BCAS4: variants seen among roughly 807,000 people sequenced by gnomAD.
The protein encoded by BCAS4 is breast carcinoma-amplified sequence 4.
Under a neutral mutation model 15.7 loss-of-function variants are expected in BCAS4, and 9 were observed. The observed-to-expected ratio is 0.57, with a 90% CI of 0.34 to 1.00. The LOEUF is 1.00. Ranked by LOEUF, BCAS4 falls within the 50% of genes least tolerant of loss-of-function variation. The pLI, the probability that BCAS4 is intolerant of heterozygous loss-of-function variation, is 0.02. For synonymous variants in BCAS4, 101 were observed against 99.5 expected (o/e 1.02, Z -0.09); for missense variants, 225 against 239.1 (o/e 0.94, Z 0.39).
chr20:50,849,517 A>T (rs185288845), intron 4 of BCAS4, among the ~76,000 whole-genome samples: 12 of 152,348 alleles, frequency 7.9e-5, no homozygotes, highest in Non-Finnish European at 1.3e-4. Context: ...GCAGGGTGTG[A>T]GATGTCACCT....
intron 3 of BCAS4, among the ~76,000 whole-genome samples, chr20:50,839,143 A>G (rs1183000343): frequency 1.3e-5 from 2 of 152,170 alleles, no homozygotes; most frequent in Middle Eastern, 3.2e-3. Context: ...TATGAGAAAA[A>G]TCTTTTCTAT....
At chr20:50,842,311 C>T (rs2088494511) in intron 4 of BCAS4, among the ~76,000 whole-genome samples, 1 of 152,216 alleles carries the variant, frequency 6.6e-6, no homozygotes, top group African/African-American at 2.4e-5. Context: ...GGGCGTCCCT[C>T]CTGCATATGG....
At chr20:50,880,340 G>A (rs1568692309), downstream of BCAS4, 1 of 152,250 alleles carries the variant, frequency 6.6e-6, no homozygotes, top group Non-Finnish European at 1.5e-5. Flanking sequence ...CACTGTCCCT[G>A]TGCCAGGTGA....
At chr20:50,822,204 C>T (rs1362110730) in intron 2 of BCAS4, among the ~76,000 whole-genome samples, 1 of 151,944 alleles carries the variant, frequency 6.6e-6, no homozygotes, top group Non-Finnish European at 1.5e-5. Context: ...TGGGCTTCCT[C>T]GTAGCATGGC....
At chr20:50,881,329 A>G (rs1415471056), downstream of BCAS4, 1 of 152,244 alleles carries the variant, frequency 6.6e-6, no homozygotes, top group Non-Finnish European at 1.5e-5. Context: ...TTGATTATAT[A>G]AAATTTTTAA....
At chr20:50,845,339 C>G (rs2088530700) in intron 4 of BCAS4, among the ~76,000 whole-genome samples, 1 of 152,114 alleles carries the variant, frequency 6.6e-6, no homozygotes, top group Non-Finnish European at 1.5e-5. Context: ...CAGTGTCTTC[C>G]ATCTTGATTA....
chr20:50,828,595 C>G (rs567059551), intron 2 of BCAS4, among the ~76,000 whole-genome samples: 2 of 152,124 alleles, frequency 1.3e-5, no homozygotes, highest in Admixed American at 1.3e-4. Flanking sequence ...ACCTGGCCAA[C>G]GTGGTGAAAC....
At chr20:50,877,472 A>G (rs945735524), downstream of BCAS4, 3 of 152,240 alleles carry the variant, frequency 2.0e-5, no homozygotes, top group East Asian at 5.8e-4. Context: ...TCAACCTGCA[A>G]TGGGTATTTC....
In BCAS4 at chr20:50,815,409, C is replaced by T. The variant is rs533881779; in HGVS notation, c.91-2802C>T. Among the ~76,000 whole-genome samples the T allele has an allele frequency of 8.5e-5, 13 of 152,316 alleles. No homozygotes were observed. In the South Asian group the frequency reaches 1.9e-3, roughly 22 times the overall value. On this transcript the variant is annotated intron_variant, in intron 1 of 4. Coordinates refer to ENST00000371608, the MANE Select transcript of BCAS4 (RefSeq NM_198799.4). ...GCACTCCCAGGATCTCTCCATCACCCGCTGTGCCCCACTCCTCTCTTTCTC... is the reference window on the plus strand; with the variant it reads ...GCACTCCCAGGATCTCTCCATCACCTGCTGTGCCCCACTCCTCTCTTTCTC...
At position 50,858,925 on chromosome 20, in the gene BCAS4, C is replaced by CTATTATTAT. The variant is rs56152037; in HGVS notation, c.399+17039_399+17047dup. On this transcript the variant is annotated intron_variant, in intron 4 of 4. Coordinates refer to ENST00000371608, the MANE Select transcript of BCAS4 (RefSeq NM_198799.4). ...TATTTTTTGTAGAGACAGGCTCTTG[C>CTATTATTAT]TATTATTATTATTATTATTATTGTG... Among the ~76,000 whole-genome samples the CTATTATTAT allele has an allele frequency of 1.9e-3, 273 of 144,600 alleles. 1 individual carries two copies. Among genetic ancestry groups the CTATTATTAT allele is most frequent in the African/African-American group, 6.4e-3 (245 of 38,442 alleles). 94.9% of individuals were successfully genotyped at this position (144,600 alleles called of 152,430 possible).
chr20:50,873,956 T>C (rs1979786646), intron 4 of BCAS4, among the ~76,000 whole-genome samples: 1 of 152,178 alleles, frequency 6.6e-6, no homozygotes, highest in Non-Finnish European at 1.5e-5. Context: ...TAAGATCCTT[T>C]GATGGTTCCC....
intron 3 of BCAS4, among the ~76,000 whole-genome samples, chr20:50,833,331 G>A (rs999432830): frequency 2.0e-5 from 3 of 152,224 alleles, no homozygotes; most frequent in Non-Finnish European, 4.4e-5. Flanking sequence ...TTATCCTGAG[G>A]AGGAGGAAGC....
chr20:50,820,471 G>C (rs2088200060), intron 2 of BCAS4, among the ~76,000 whole-genome samples: 1 of 152,218 alleles, frequency 6.6e-6, no homozygotes, highest in Non-Finnish European at 1.5e-5. Context: ...CCTGTGCAAA[G>C]GCGGGGAGGC....
At chr20:50,839,039 A>T (rs1215717012) in intron 3 of BCAS4, among the ~76,000 whole-genome samples, 1 of 152,184 alleles carries the variant, frequency 6.6e-6, no homozygotes, top group African/African-American at 2.4e-5. Context: ...AGGAGGCCTG[A>T]CAGGTCTTGG....
At chr20:50,881,657 C>T (rs1186714832), downstream of BCAS4, 1 of 151,594 alleles carries the variant, frequency 6.6e-6, no homozygotes, top group African/African-American at 2.4e-5. Context: ...TTTGATGACA[C>T]TATTGAATTT....
chr20:50,809,726 C>T (rs1299197642), intron 1 of BCAS4, among the ~76,000 whole-genome samples: 2 of 152,120 alleles, frequency 1.3e-5, no homozygotes, highest in Non-Finnish European at 2.9e-5. Flanking sequence ...ATTGATTCTA[C>T]CCATCCATGA....
At chr20:50,826,246 G>A (rs1415310002) in intron 2 of BCAS4, among the ~76,000 whole-genome samples, 3 of 152,224 alleles carry the variant, frequency 2.0e-5, no homozygotes, top group African/African-American at 7.2e-5. Flanking sequence ...GGAGGAGACT[G>A]AGGACCTTTC....
intron 4 of BCAS4, among the ~76,000 whole-genome samples, chr20:50,867,774 TGTG>T (rs1368855894): frequency 6.6e-6 from 1 of 152,116 alleles, no homozygotes; most frequent in African/African-American, 2.4e-5. Flanking sequence ...ATTAGCCAGG[TGTG>T]GTGGCGCACG....
intron 2 of BCAS4, among the ~76,000 whole-genome samples, chr20:50,829,060 T>A (rs1233877516): frequency 5.3e-5 from 8 of 152,144 alleles, no homozygotes; most frequent in Admixed American, 5.2e-4. Context: ...ATTTAAACAC[T>A]AGCCTGACTC....
Sources: allele counts gnomAD v4.1 joint callset (sites outside exome capture counted in the v4.1 genomes callset), GRCh38; gene constraint gnomAD v4.1.1; transcripts MANE v1.5; gene names NCBI Gene and HGNC (gene_info 2026-07-23, HGNC 2026-07-21).